KMT2C: variants seen among roughly 807,000 people sequenced by gnomAD.
KMT2C encodes the protein histone-lysine N-methyltransferase 2C.
Under a neutral mutation model 507.9 loss-of-function variants are expected in KMT2C, and 88 were observed. The ratio of observed to expected loss-of-function variants is 0.17; its 90% CI spans 0.15 to 0.21. KMT2C has a LOEUF of 0.21. Ranked by LOEUF, KMT2C falls within the 10% of genes least tolerant of loss-of-function variation. The probability of loss-of-function intolerance (pLI) is 1.00; values close to 1 mark genes in which losing one functional copy is unlikely to be tolerated. For missense variants in KMT2C, 4,954 were observed against 5,957.8 expected (o/e 0.83, Z 5.55); for synonymous variants, 2,049 against 2,080.8 (o/e 0.98, Z 0.42).
intron 2 of KMT2C, among the ~76,000 whole-genome samples, chr7:152,347,057 G>A (rs924744673): frequency 6.6e-6 from 1 of 152,194 alleles, no homozygotes; most frequent in African/African-American, 2.4e-5. Flanking sequence ...CCGGAAGGCA[G>A]AGGCTGCAGT....
chr7:152,386,378 G>A (rs2097426726), intron 1 of KMT2C, among the ~76,000 whole-genome samples: 1 of 152,310 alleles, frequency 6.6e-6, no homozygotes, highest in African/African-American at 2.4e-5. Flanking sequence ...ACCTGGAGAG[G>A]TGAAAAGTGA....
At chr7:152,153,009 T>G (rs2091761253) in intron 48 of KMT2C, 55 bp from the exon 49 acceptor site, 1 of 1,588,988 alleles carries the variant, frequency 6.3e-7, no homozygotes, top group Non-Finnish European at 8.6e-7. Flanking sequence ...AGTGAACCAC[T>G]GAAGAAAAAT....
At chr7:152,288,411 A>C (rs1385183922) in intron 6 of KMT2C, among the ~76,000 whole-genome samples, 1 of 151,376 alleles carries the variant, frequency 6.6e-6, no homozygotes, top group Non-Finnish European at 1.5e-5. Flanking sequence ...GCACACACCT[A>C]TAATTCCAGC....
At chr7:152,140,496 ACAT>A (rs1411299465) in intron 55 of KMT2C, among the ~76,000 whole-genome samples, 1 of 152,232 alleles carries the variant, frequency 6.6e-6, no homozygotes, top group African/African-American at 2.4e-5. Context: ...TTGTAGAGAA[ACAT>A]ACTAACAAAA....
intron 1 of KMT2C, among the ~76,000 whole-genome samples, chr7:152,398,287 G>C (rs1015510595): frequency 3.9e-5 from 6 of 152,140 alleles, no homozygotes; most frequent in Non-Finnish European, 7.3e-5. Flanking sequence ...GGCAAATTAA[G>C]CACGTGATTC....
At chr7:152,306,731 G>T (rs1326964682) in intron 6 of KMT2C, among the ~76,000 whole-genome samples, 1 of 152,190 alleles carries the variant, frequency 6.6e-6, no homozygotes, top group Non-Finnish European at 1.5e-5. Context: ...AAGAATGAGA[G>T]TACCTGTTTC....
intron 1 of KMT2C, among the ~76,000 whole-genome samples, chr7:152,411,009 A>AATAT (rs1554719880): frequency 2.0e-5 from 3 of 148,722 alleles, no homozygotes; most frequent in African/African-American, 7.4e-5. Flanking sequence ...TCTCAAAAAA[A>AATAT]ATATATATAT....
intron 14 of KMT2C, 188 bp from the exon 15 acceptor site, chr7:152,239,014 A>C: frequency 2.0e-6 from 1 of 494,874 alleles, no homozygotes; most frequent in Non-Finnish European, 3.6e-6. Context: ...TATAACTTAA[A>C]TGTTTGCTGC....
intron 14 of KMT2C, among the ~76,000 whole-genome samples, chr7:152,241,020 C>T (rs2095372207): frequency 6.6e-6 from 1 of 152,214 alleles, no homozygotes; most frequent in African/African-American, 2.4e-5. Context: ...AAAAGACAAA[C>T]CTTTCCCAAT....
At chr7:152,220,943 G>C (rs1484292142) in intron 22 of KMT2C, among the ~76,000 whole-genome samples, 2 of 152,108 alleles carry the variant, frequency 1.3e-5, no homozygotes, top group Non-Finnish European at 2.9e-5. Context: ...AGGCAGAAAG[G>C]TTGCATGTTT....
intron 41 of KMT2C, among the ~76,000 whole-genome samples, chr7:152,168,265 A>G (rs528354381): frequency 6.6e-6 from 1 of 152,352 alleles, no homozygotes; most frequent in South Asian, 2.1e-4. Context: ...AATAACATCA[A>G]TGATAACAGA....
intron 1 of KMT2C, among the ~76,000 whole-genome samples, chr7:152,416,192 C>A (rs2097733837): frequency 6.6e-6 from 1 of 152,230 alleles, no homozygotes; most frequent in South Asian, 2.1e-4. Context: ...GAGTTCAAGA[C>A]CAGCCTGGCC....
At chr7:152,232,909 C>T (rs1022609600) in intron 16 of KMT2C, among the ~76,000 whole-genome samples, 1 of 152,108 alleles carries the variant, frequency 6.6e-6, no homozygotes, top group African/African-American at 2.4e-5. Context: ...TACCTCCCAA[C>T]CACTAACAGA....
intron 3 of KMT2C, among the ~76,000 whole-genome samples, chr7:152,329,216 A>G (rs1345280844): frequency 6.6e-6 from 1 of 152,144 alleles, no homozygotes; most frequent in Admixed American, 6.5e-5. Flanking sequence ...GCAACTAGCA[A>G]AAGATAAAAT....
At position 152,311,780 on chromosome 7, in the gene KMT2C, T is replaced by C. The variant is rs567958452; in HGVS notation, c.739+18A>G. ...TTCCAGAATTAAGAGGCAGTCATTA[T>C]TGAAAACATGCCCATACCTGTAGAA... On this transcript the variant is annotated intron_variant, in intron 5 of 58. Coordinates refer to ENST00000262189, the MANE Select transcript of KMT2C (RefSeq NM_170606.3). The C allele has an allele frequency of 1.6e-5, 25 of 1,548,336 alleles. No homozygotes were observed. The highest frequency in any genetic ancestry group is 1.1e-4 in the South Asian group (9 of 81,248).
chr7:152,336,222 G>A (rs1013472078), intron 2 of KMT2C, among the ~76,000 whole-genome samples: 1 of 152,098 alleles, frequency 6.6e-6, no homozygotes, highest in Admixed American at 6.6e-5. Flanking sequence ...AACAAAAAAG[G>A]TATCACTAAA....
rs1563275588 is a variant in KMT2C, at chr7:152,180,020, G to A, written c.7256C>T (p.Pro2419Leu). ...QDSPAVPHPG[P>L]LQHWQPENVN... Reference sequence around the variant, plus strand: ...ATTCTCTGGTTGCCAGTGTTGAAGAGGCCCTGGATGAGGCACTGCGGGTGA... The same window carrying A: ...ATTCTCTGGTTGCCAGTGTTGAAGAAGCCCTGGATGAGGCACTGCGGGTGA... The change falls in exon 37 of 59, where the codon CCT becomes CTT. Residue 2419 changes from proline (P) to leucine (L), a missense_variant. Transcript: ENST00000262189. The A allele has an allele frequency of 3.1e-6, 5 of 1,614,140 alleles. No homozygotes were observed. Among genetic ancestry groups the A allele is most frequent in the Non-Finnish European group, 3.4e-6 (4 of 1,180,030 alleles).
intron 6 of KMT2C, among the ~76,000 whole-genome samples, chr7:152,280,480 G>A (rs2096188027): frequency 6.6e-6 from 1 of 151,484 alleles, no homozygotes; most frequent in African/African-American, 2.4e-5. Flanking sequence ...GAACCCGGGA[G>A]GCAGAGGTTG....
At chr7:152,256,384 A>G (rs200248055) in intron 9 of KMT2C, among the ~76,000 whole-genome samples, 2 of 152,100 alleles carry the variant, frequency 1.3e-5, no homozygotes, top group African/African-American at 4.8e-5. Context: ...TGGACAACAT[A>G]GTGAGACCCT....
Sources: gnomAD v4.1 joint callset for allele counts (sites outside exome capture counted in the v4.1 genomes callset) on GRCh38, gnomAD v4.1.1 for gene constraint, MANE v1.5 for transcripts, NCBI Gene and HGNC (gene_info 2026-07-23, HGNC 2026-07-21) for gene names.